The following GABRG3 variants were observed in gnomAD, a reference collection of about 807,000 sequenced individuals.
The protein encoded by GABRG3 is gamma-aminobutyric acid type A receptor subunit gamma3, also known as gamma-aminobutyric acid receptor subunit gamma-3.
Under a neutral mutation model 48.8 loss-of-function variants are expected in GABRG3, and 25 were observed. The ratio of observed to expected loss-of-function variants is 0.51; its 90% confidence interval spans 0.37 to 0.72. The LOEUF is 0.72. Among genes scored for constraint, GABRG3 ranks in the 30% least tolerant of loss-of-function variants. GABRG3 has a pLI of 0.00. For missense variants in GABRG3, 394 were observed against 577.9 expected (o/e 0.68, Z 3.26); for synonymous variants, 227 against 217.6 (o/e 1.04, Z -0.38).
chr15:27,442,928 C>T (rs922149573), intron 5 of GABRG3, among the ~76,000 whole-genome samples: 6 of 152,200 alleles, frequency 3.9e-5, no homozygotes, highest in African/African-American at 1.4e-4. Context: ...AATGAGGTTG[C>T]TCTGTGTGCC....
chr15:27,069,138 G>T (rs1348429476), intron 3 of GABRG3, among the ~76,000 whole-genome samples: 3 of 152,250 alleles, frequency 2.0e-5, no homozygotes, highest in African/African-American at 7.2e-5. Context: ...CAAGGCAGCT[G>T]CAGGGGTGCC....
At chr15:27,361,365 G>C (rs1476564636) in intron 5 of GABRG3, among the ~76,000 whole-genome samples, 5 of 152,342 alleles carry the variant, frequency 3.3e-5, no homozygotes, top group Middle Eastern at 3.4e-3. Context: ...CCAAGCCAAT[G>C]TGGCCTTGGG....
intron 3 of GABRG3, among the ~76,000 whole-genome samples, chr15:27,231,512 G>A (rs373833191): frequency 3.3e-5 from 5 of 152,248 alleles, no homozygotes; most frequent in African/African-American, 9.6e-5. Flanking sequence ...TTAGACCTGA[G>A]GGAAGTCACC....
intron 3 of GABRG3, among the ~76,000 whole-genome samples, chr15:27,091,743 C>T (rs1897189168): frequency 6.6e-6 from 1 of 152,146 alleles, no homozygotes; most frequent in African/African-American, 2.4e-5. Flanking sequence ...AAACGTGGTT[C>T]CTTGGGTATA....
At chr15:27,295,152 A>G (rs1470799772) in intron 3 of GABRG3, 1 of 152,222 alleles carries the variant, frequency 6.6e-6, no homozygotes, top group African/African-American at 2.4e-5. Flanking sequence ...CCTAAAGAGA[A>G]ACCCATCAAA....
chr15:27,187,281 A>C (rs1413186237), intron 3 of GABRG3, among the ~76,000 whole-genome samples: 1 of 152,120 alleles, frequency 6.6e-6, no homozygotes, highest in South Asian at 2.1e-4. Context: ...CTATGGGTCT[A>C]TGAGTCTGTT....
chr15:27,165,339 C>G (rs555375408), intron 3 of GABRG3, among the ~76,000 whole-genome samples: 3 of 152,164 alleles, frequency 2.0e-5, no homozygotes, highest in Non-Finnish European at 4.4e-5. Flanking sequence ...CTGATCCCCA[C>G]CAAGCACACA....
intron 3 of GABRG3, among the ~76,000 whole-genome samples, chr15:27,135,377 T>C (rs967998948): frequency 1.3e-5 from 2 of 152,182 alleles, no homozygotes; most frequent in Non-Finnish European, 2.9e-5. Context: ...TGGCTGTTCT[T>C]ATGTGCTTGA....
intron 3 of GABRG3, among the ~76,000 whole-genome samples, chr15:27,185,182 C>T (rs951272273): frequency 1.3e-5 from 2 of 152,050 alleles, no homozygotes; most frequent in Non-Finnish European, 2.9e-5. Flanking sequence ...GTGAATTTCT[C>T]TCTCAACAAT....
intron 5 of GABRG3, among the ~76,000 whole-genome samples, chr15:27,372,093 C>T (rs977308037): frequency 3.9e-5 from 6 of 151,952 alleles, no homozygotes; most frequent in African/African-American, 9.7e-5. Flanking sequence ...AAAAACCTCA[C>T]GTATTGCACA....
intron 3 of GABRG3, among the ~76,000 whole-genome samples, chr15:27,091,838 G>T (rs150692686): frequency 6.6e-6 from 1 of 152,300 alleles, no homozygotes; most frequent in Non-Finnish European, 1.5e-5. Flanking sequence ...GCATCGTGGG[G>T]CAGAGCTACG....
At chr15:27,102,650 T>A (rs1333351255) in intron 3 of GABRG3, among the ~76,000 whole-genome samples, 2 of 152,164 alleles carry the variant, frequency 1.3e-5, no homozygotes, top group Non-Finnish European at 2.9e-5. Flanking sequence ...AACAAGTTAC[T>A]TTCTTCACTA....
At chr15:27,517,005 C>G (rs565969866) in intron 6 of GABRG3, among the ~76,000 whole-genome samples, 1 of 152,224 alleles carries the variant, frequency 6.6e-6, no homozygotes, top group Non-Finnish European at 1.5e-5. Context: ...CTGACAGCAT[C>G]GTGCACACCT....
chr15:27,038,270 C>G (rs56120916), intron 3 of GABRG3, among the ~76,000 whole-genome samples: 25,817 of 152,120 alleles, frequency 0.17, 2,462 homozygotes, highest in Middle Eastern at 0.24. Flanking sequence ...GAGGGCTGCT[C>G]TCTGCTTCTG....
chr15:27,530,288 C>T (rs1406615499), intron 9 of GABRG3, among the ~76,000 whole-genome samples: 9 of 152,138 alleles, frequency 5.9e-5, no homozygotes. Flanking sequence ...CACGGGGCTG[C>T]GCTATACACA....
At chr15:27,327,139 C>T (rs1386201913) in intron 4 of GABRG3, 110 bp downstream of exon 4, 5 of 949,590 alleles carry the variant, frequency 5.3e-6, no homozygotes, top group African/African-American at 1.6e-5. Flanking sequence ...TTCTCTTTCA[C>T]GTGAGACATA....
intron 3 of GABRG3, among the ~76,000 whole-genome samples, chr15:27,191,673 T>C (rs1272690371): frequency 1.3e-5 from 2 of 152,216 alleles, no homozygotes; most frequent in Non-Finnish European, 2.9e-5. Flanking sequence ...TCTTGACTCT[T>C]TATCCAGTTT....
intron 5 of GABRG3, among the ~76,000 whole-genome samples, chr15:27,401,679 G>A (rs903249469): frequency 1.3e-5 from 2 of 152,120 alleles, no homozygotes; most frequent in Non-Finnish European, 2.9e-5. Flanking sequence ...CGCGACCATA[G>A]TTAGATTGTC....
At chr15:27,387,657 C>T (rs2140569206) in intron 5 of GABRG3, among the ~76,000 whole-genome samples, 1 of 151,766 alleles carries the variant, frequency 6.6e-6, no homozygotes, top group South Asian at 2.1e-4. Context: ...AGACTCTTTG[C>T]TGTTGTTTGC....
Sources: gnomAD v4.1 joint callset for allele counts (sites outside exome capture counted in the v4.1 genomes callset) on GRCh38, gnomAD v4.1.1 for gene constraint, MANE v1.5 for transcripts, NCBI Gene and HGNC (gene_info 2026-07-23, HGNC 2026-07-21) for gene names.